Variants in PTPRN2 observed in about 807,000 individuals in gnomAD.
The protein encoded by PTPRN2 is protein tyrosine phosphatase receptor type N2, also known as receptor-type tyrosine-protein phosphatase N2.
Under a neutral mutation model 118.8 loss-of-function variants are expected in PTPRN2, and 74 were observed. That is an observed-to-expected ratio of 0.62 (90% CI 0.52 to 0.76). The LOEUF is 0.76. Ranked by LOEUF, PTPRN2 falls within the 30% of genes least tolerant of loss-of-function variation. PTPRN2 has a pLI of 0.00. For synonymous variants in PTPRN2, 641 were observed against 608.0 expected, an observed-to-expected ratio of 1.05 and a Z score of -0.80; for missense variants, 1,481 against 1,394.4, an observed-to-expected ratio of 1.06 and a Z score of -0.99.
At chr7:158,094,227 G>T (rs796413656) in intron 10 of PTPRN2, among the ~76,000 whole-genome samples, 26 of 152,318 alleles carry the variant, frequency 1.7e-4, no homozygotes, top group African/African-American at 6.3e-4. Context: ...CCAGCACAGG[G>T]GTGGGCCGGA....
chr7:157,671,435 G>A lies in PTPRN2; in HGVS notation c.2001+11290C>T, dbSNP rs908393138. 2.2e-4 allele frequency among the ~76,000 whole-genome samples: 34 copies of A among 152,176 alleles called. No individual in the cohort carries two copies. Among genetic ancestry groups the A allele is most frequent in the African/African-American group, 1.9e-4 (8 of 41,454 alleles). On this transcript the variant is annotated intron_variant, in intron 13 of 22. Coordinates refer to ENST00000389418, the MANE Select transcript of PTPRN2 (RefSeq NM_002847.5). This position sits in a 1 kb window ranked among gnomAD's most constrained non-coding sequence, Gnocchi z 4.1. ...AGGGCCCTGGTGTTCGGGATGGGAC[G>A]GGCCACCCCGGGCTGAGATGGAAGC...
At chr7:158,174,964 T>C (rs1824051274) in intron 5 of PTPRN2, among the ~76,000 whole-genome samples, 1 of 152,026 alleles carries the variant, frequency 6.6e-6, no homozygotes, top group Non-Finnish European at 1.5e-5. Context: ...CTCCTGGAGA[T>C]CCACCCAGCC....
In PTPRN2 at chr7:158,392,374, G is replaced by A. The variant is rs553621526; in HGVS notation, c.164-75442C>T. Among the ~76,000 whole-genome samples the A allele has an allele frequency of 2.0e-5, 3 of 152,310 alleles. No individual in the cohort carries two copies. In the East Asian group the frequency reaches 5.8e-4, roughly 30 times the overall value. ...ACCGTGGCTGAGCGGCAGGCACAGG[G>A]CAACCCCAAGTGTTCTGTCCATGCG... On this transcript the variant is annotated intron_variant, in intron 2 of 22. Coordinates refer to ENST00000389418, the MANE Select transcript of PTPRN2 (RefSeq NM_002847.5).
intron 5 of PTPRN2, among the ~76,000 whole-genome samples, chr7:158,185,129 G>T (rs749633188): frequency 2.6e-5 from 4 of 152,052 alleles, no homozygotes; most frequent in Non-Finnish European, 5.9e-5. Flanking sequence ...ATATATTGTT[G>T]AATTTAATTT....
At chr7:158,141,372 C>T (rs1819372924) in intron 6 of PTPRN2, among the ~76,000 whole-genome samples, 1 of 152,252 alleles carries the variant, frequency 6.6e-6, no homozygotes, top group Admixed American at 6.5e-5. Context: ...GTCCTCTCTC[C>T]ACAGCGCAGG....
intron 12 of PTPRN2, among the ~76,000 whole-genome samples, chr7:157,884,920 G>A (rs565405896): frequency 2.0e-5 from 3 of 151,942 alleles, no homozygotes; most frequent in South Asian, 2.1e-4. Context: ...GCAGATGATG[G>A]TGCTGAAGCC....
intron 11 of PTPRN2, among the ~76,000 whole-genome samples, chr7:158,045,276 C>G (rs1290075265): frequency 6.6e-6 from 1 of 152,190 alleles, no homozygotes; most frequent in South Asian, 2.1e-4. Flanking sequence ...GAGCTAGCCC[C>G]TCTGTCGGGA....
At chr7:157,898,136 CGATATTATGGAA>C (rs1797239981) in intron 12 of PTPRN2, among the ~76,000 whole-genome samples, 1 of 151,642 alleles carries the variant, frequency 6.6e-6, no homozygotes, top group African/African-American at 2.4e-5. Flanking sequence ...AGATTTTCAG[CGATATTATGGAA>C]GCATTGCCTC....
chr7:158,270,782 CA>C (rs1437137781), intron 3 of PTPRN2, among the ~76,000 whole-genome samples: 7 of 99,226 alleles, frequency 7.1e-5, no homozygotes, highest in South Asian at 6.9e-4. Flanking sequence ...CCACCTGGAC[CA>C]CCCCTCCACC....
chr7:158,110,912 G>A lies in PTPRN2; in HGVS notation c.1560C>T (p.Pro520=), dbSNP rs1288263022. 1.5e-5 allele frequency: 24 copies of A among 1,560,292 alleles called. No individual in the cohort carries two copies. In the East Asian group the frequency reaches 5.7e-4, roughly 37 times the overall value. ...GCCGCCTTCCTTCCTCGGGGCGCAGGGGGCTGCGGATGACAGCAGGGATGG... is the reference window on the plus strand; with the variant it reads ...GCCGCCTTCCTTCCTCGGGGCGCAGAGGGCTGCGGATGACAGCAGGGATGG... ...ARGYIVTDRD[P]LRPEEGRRLV... is the part of the protein sequence containing the mutation. The change falls in exon 10 of 23, where the codon CCC becomes CCT. Residue 520 remains proline, a synonymous_variant. Coordinates refer to ENST00000389418, the MANE Select transcript of PTPRN2 (RefSeq NM_002847.5).
rs371033274 is a variant in PTPRN2, at chr7:158,190,857, C to A, written c.549+1470G>T. 1.8e-3 allele frequency among the ~76,000 whole-genome samples: 278 copies of A among 152,390 alleles called. 1 individual carries two copies. The highest frequency in any genetic ancestry group is 6.5e-3 in the African/African-American group (269 of 41,598). ...CTGCATTCAAACGTCATTGTGACAT[C>A]CTCCTGAAGAGGCAAGGCCACAGCA... is the stretch of plus-strand genomic sequence containing the variant. On this transcript the variant is annotated intron_variant, in intron 5 of 22. Transcript: ENST00000389418.
At chr7:158,512,148 C>A (rs565043221) in intron 1 of PTPRN2, among the ~76,000 whole-genome samples, 44 of 152,146 alleles carry the variant, frequency 2.9e-4, no homozygotes, top group Admixed American at 2.9e-3. Flanking sequence ...CTGACACCAA[C>A]GGGGCAGGAG....
At chr7:157,955,934 T>A (rs958922600) in intron 11 of PTPRN2, among the ~76,000 whole-genome samples, 33 of 151,928 alleles carry the variant, frequency 2.2e-4, no homozygotes, top group Non-Finnish European at 3.7e-4. Flanking sequence ...CTAAAGAGAG[T>A]CAGAGGTTGG....
intron 2 of PTPRN2, among the ~76,000 whole-genome samples, chr7:158,340,196 C>A (rs1806397907): frequency 1.1e-5 from 1 of 91,764 alleles, no homozygotes; most frequent in African/African-American, 3.8e-5. Flanking sequence ...CTCACACCCA[C>A]ACTCTCACCA....
rs573764252 is a variant in PTPRN2 at position 158,526,259 on chromosome 7, C to T, written c.113-36474G>A. On this transcript the variant is annotated intron_variant, in intron 1 of 22. Transcript: ENST00000389418. The surrounding 1 kb of genome is among the most constrained non-coding windows in gnomAD (Gnocchi z 5.2). ...GGGTCACCCCTCGTGCAGGCTCAGGCCCTCCCTGCCCACCTGTGGCGGCGA... is the reference window on the plus strand; with the variant it reads ...GGGTCACCCCTCGTGCAGGCTCAGGTCCTCCCTGCCCACCTGTGGCGGCGA... Among the ~76,000 whole-genome samples, 1 of 152,312 alleles carries T rather than the reference C, an allele frequency of 6.6e-6. No homozygotes were observed. The highest frequency in any genetic ancestry group is 2.1e-4 in the South Asian group (1 of 4,824).
Position 157,888,027 on chromosome 7 carries a change from G to A in PTPRN2, c.1788+10646C>T, listed in dbSNP as rs939087040. Among the ~76,000 whole-genome samples, 3 of 144,652 alleles carry A rather than the reference G, an allele frequency of 2.1e-5. No homozygotes were observed. The East Asian group carries it at 6.2e-4, about 30-fold the overall frequency. The allele number at this position is 144,652 out of a possible 152,430, so 94.9% of individuals were successfully genotyped here. ...TGCTCTTGGGCTTCTGGGGTGAGAT[G>A]CCACAGGCTCCCTGAAACGCACGCT... On this transcript the variant is annotated intron_variant, in intron 12 of 22. Transcript: ENST00000389418.
At chr7:158,161,660 C>A (rs1822367011) in intron 6 of PTPRN2, among the ~76,000 whole-genome samples, 1 of 152,166 alleles carries the variant, frequency 6.6e-6, no homozygotes, top group Non-Finnish European at 1.5e-5. Context: ...CTCTGGATGA[C>A]CTTGGGTTTG....
rs955495267 is a variant in PTPRN2 at position 157,974,814 on chromosome 7, C to T, written c.1724-76077G>A. On this transcript the variant is annotated intron_variant, in intron 11 of 22. Coordinates refer to ENST00000389418, the MANE Select transcript of PTPRN2 (RefSeq NM_002847.5). The surrounding 1 kb of genome is among the most constrained non-coding windows in gnomAD (Gnocchi z 4.0). ...AGTGTAGACACAGGGCAGAAGTGGG[C>T]GCAGTGTCTGTGGGTGAAGAGCTGT... is the stretch of plus-strand genomic sequence containing the variant. 1.3e-5 allele frequency among the ~76,000 whole-genome samples: 2 copies of T among 151,922 alleles called. No homozygotes were observed. The highest frequency in any genetic ancestry group is 6.5e-5 in the Admixed American group (1 of 15,268).
chr7:157,657,663 C>A (rs1306864294), intron 13 of PTPRN2, among the ~76,000 whole-genome samples: 3 of 106,088 alleles, frequency 2.8e-5, no homozygotes, highest in Admixed American at 1.0e-4. Context: ...CACACACATA[C>A]ACCCCACACA....
Sources: allele counts gnomAD v4.1 joint callset (sites outside exome capture counted in the v4.1 genomes callset), GRCh38; gene constraint gnomAD v4.1.1; non-coding constraint Gnocchi (gnomAD v3.1); transcripts MANE v1.5; gene names NCBI Gene and HGNC (gene_info 2026-07-23, HGNC 2026-07-21).